Variants in PLVAP observed in about 807,000 individuals in gnomAD.
PLVAP encodes the protein plasmalemma vesicle associated protein.
A neutral mutation model predicts 43.1 loss-of-function variants in PLVAP; 34 were observed. That is an observed-to-expected ratio of 0.79 (90% confidence interval 0.60 to 1.05). The LOEUF is 1.05. Among genes scored for constraint, PLVAP ranks in the 50% least tolerant of loss-of-function variants. The pLI is 0.00. For missense variants in PLVAP, 574 were observed against 593.4 expected (o/e 0.97, Z 0.34); for synonymous variants, 241 against 237.3 (o/e 1.02, Z -0.14).
At chr19:17,354,897 C>A (rs1599570616) in intron 5 of PLVAP, among the ~76,000 whole-genome samples, 1 of 134,102 alleles carries the variant, frequency 7.5e-6, no homozygotes, top group East Asian at 2.1e-4. Context: ...GACTCCGTCT[C>A]AAAAAAAAAA....
Position 17,365,977 on chromosome 19 carries a change from T to G in PLVAP, c.488A>C (p.Gln163Pro). 1 of 1,613,524 alleles carries G rather than the reference T, an allele frequency of 6.2e-7. No homozygotes were observed. Among genetic ancestry groups the G allele is most frequent in the Non-Finnish European group, 8.5e-7 (1 of 1,179,550 alleles). ...CTCCACCTCCAGCGTCTTCACCTTCTGATTCAGCATGAAGAGCAAGGCTAA... is the reference window on the plus strand; with the variant it reads ...CTCCACCTCCAGCGTCTTCACCTTCGGATTCAGCATGAAGAGCAAGGCTAA... ...SCDALLFMLN[Q>P]KVKTLEVEIA... Residue 163 changes from glutamine (Q) to proline (P), a missense_variant, in exon 3 of 6, where the codon CAG becomes CCG. Transcript: ENST00000252590.
chr19:17,363,936 C>T (rs914526088), intron 3 of PLVAP, among the ~76,000 whole-genome samples: 4 of 151,642 alleles, frequency 2.6e-5, no homozygotes, highest in Non-Finnish European at 4.4e-5. Flanking sequence ...TTAGTAGAGA[C>T]GGGATTTCAC....
intron 1 of PLVAP, among the ~76,000 whole-genome samples, chr19:17,367,982 C>T (rs2074556824): frequency 6.6e-6 from 1 of 151,888 alleles, no homozygotes; most frequent in Non-Finnish European, 1.5e-5. Context: ...ACTGCAACCT[C>T]TGCCTCCCGG....
chr19:17,351,793 G>A lies in PLVAP; in HGVS notation c.*569C>T, dbSNP rs1298532035. On this transcript the variant is annotated 3_prime_UTR_variant, in exon 6 of 6. Coordinates refer to ENST00000252590, the MANE Select transcript of PLVAP (RefSeq NM_031310.3). ...CAGGGTCGGGGGAACGTGACACTAG[G>A]TGAGAATTGGGTAGAAAGTGTGTGT... is the stretch of plus-strand genomic sequence containing the variant. 1 of 153,444 alleles carries A rather than the reference G, an allele frequency of 6.5e-6. No individual in the cohort carries two copies. The highest frequency in any genetic ancestry group is 1.5e-5 in the Non-Finnish European group (1 of 68,756). The allele number at this position is 153,444 out of a possible 1,614,324, so 9.5% of individuals were successfully genotyped here.
chr19:17,354,195 C>T (rs1398197325), intron 5 of PLVAP, among the ~76,000 whole-genome samples: 2 of 151,846 alleles, frequency 1.3e-5, no homozygotes, highest in African/African-American at 4.8e-5. Context: ...GAGGCTGAGG[C>T]ATGAGAATTG....
At chr19:17,355,263 A>ATAATAAT (rs1457064966) in intron 5 of PLVAP, among the ~76,000 whole-genome samples, 3 of 142,320 alleles carry the variant, frequency 2.1e-5, no homozygotes, top group South Asian at 2.2e-4. Flanking sequence ...AATAATAATA[A>ATAATAAT]AATAAATAAT....
At chr19:17,352,458 G>A (rs1370917280) in intron 5 of PLVAP, 90 bp from the exon 6 acceptor site, 5 of 1,446,146 alleles carry the variant, frequency 3.5e-6, no homozygotes, top group South Asian at 1.2e-5. Flanking sequence ...TCCTCAGCGG[G>A]GACACAACAT....
At chr19:17,354,673 C>T (rs555452514) in intron 5 of PLVAP, among the ~76,000 whole-genome samples, 4 of 149,140 alleles carry the variant, frequency 2.7e-5, no homozygotes, top group East Asian at 4.0e-4. Context: ...CCGAGGCAGG[C>T]GGATCACGAG....
chr19:17,374,320 C>T (rs777880118), intron 1 of PLVAP, among the ~76,000 whole-genome samples: 21 of 151,970 alleles, frequency 1.4e-4, no homozygotes, highest in Non-Finnish European at 2.9e-4. Flanking sequence ...GAAAAATTAG[C>T]CAGGCATGAC....
chr19:17,353,052 C>G (rs1051131692), intron 5 of PLVAP, among the ~76,000 whole-genome samples: 2 of 152,244 alleles, frequency 1.3e-5, no homozygotes, highest in African/African-American at 4.8e-5. Flanking sequence ...CCCTCCTGGG[C>G]CTGGCAGAGG....
chr19:17,352,155 G>T lies in PLVAP; in HGVS notation c.*207C>A, dbSNP rs943014666. On this transcript the variant is annotated 3_prime_UTR_variant, in exon 6 of 6. Transcript: ENST00000252590. ...GTTGCTTGCGTGACGTCATCTCCGCGGCCGTGTGCTCTGGGTGAGGGATCG... is the reference window on the plus strand; with the variant it reads ...GTTGCTTGCGTGACGTCATCTCCGCTGCCGTGTGCTCTGGGTGAGGGATCG... 1.6e-6 allele frequency: 1 copy of T among 641,070 alleles called. No homozygotes were observed. The highest frequency in any genetic ancestry group is 2.7e-6 in the Non-Finnish European group (1 of 370,230). 39.7% of individuals were successfully genotyped at this position (641,070 alleles called of 1,614,324 possible).
At chr19:17,366,251 AC>A (rs1364396135) in intron 1 of PLVAP, 56 bp from the exon 2 acceptor site, 1 of 1,566,218 alleles carries the variant, frequency 6.4e-7, no homozygotes. Flanking sequence ...TGCCCCCAGG[AC>A]TGCCTGGACC....
intron 3 of PLVAP, 93 bp downstream of exon 3, chr19:17,365,193 C>T: frequency 8.2e-7 from 1 of 1,218,138 alleles, no homozygotes; most frequent in East Asian, 2.4e-5. Flanking sequence ...AGGAAGCCAT[C>T]CTCAAAGCCA....
chr19:17,362,297 C>G (rs1274013592), intron 3 of PLVAP: 1 of 152,006 alleles, frequency 6.6e-6, no homozygotes, highest in Non-Finnish European at 1.5e-5. Context: ...TGATGTTAAC[C>G]CGAAACAGTC....
chr19:17,373,271 T>C (rs1184458530), intron 1 of PLVAP, among the ~76,000 whole-genome samples: 1 of 151,618 alleles, frequency 6.6e-6, no homozygotes, highest in Non-Finnish European at 1.5e-5. Context: ...AGACCTACCA[T>C]ACTCTGGGCA....
intron 1 of PLVAP, among the ~76,000 whole-genome samples, chr19:17,375,437 T>C (rs865975349): frequency 2.0e-5 from 3 of 152,092 alleles, no homozygotes; most frequent in East Asian, 3.8e-4. Context: ...ATCTCAAATA[T>C]TGCATGGAAT....
Position 17,352,295 on chromosome 19 carries a change from C to G in PLVAP, c.*67G>C, listed in dbSNP as rs892575503. ...AGGGGGTTGTGTCGGGCGCTGTGAG[C>G]ATATCCCTGCATCCTCCGCAAACCG... On this transcript the variant is annotated 3_prime_UTR_variant, in exon 6 of 6. Transcript: ENST00000252590. 20 of 1,599,284 alleles carry G rather than the reference C, an allele frequency of 1.3e-5. No homozygotes were observed. The highest frequency in any genetic ancestry group is 4.5e-5 in the East Asian group (2 of 44,786).
intron 1 of PLVAP, among the ~76,000 whole-genome samples, chr19:17,372,418 A>G (rs1424565026): frequency 6.7e-6 from 1 of 149,536 alleles, no homozygotes; most frequent in Non-Finnish European, 1.5e-5. Flanking sequence ...CAAAAATAGT[A>G]ATAATAATAA....
rs367983996 is a variant in PLVAP at position 17,351,965 on chromosome 19, G to A, written c.*397C>T. 153 of 283,086 alleles carry A rather than the reference G, an allele frequency of 5.4e-4. No homozygotes were observed. Among genetic ancestry groups the A allele is most frequent in the African/African-American group, 2.3e-3 (109 of 46,472 alleles). 17.5% of individuals were successfully genotyped at this position (283,086 alleles called of 1,614,324 possible). The stretch of plus-strand genomic sequence containing the variant: ...GTGTGACATTAATATGTGTGACGTC[G>A]ACATGGCCCGTGACGTCGTTGCTGC... On this transcript the variant is annotated 3_prime_UTR_variant, in exon 6 of 6. Coordinates refer to ENST00000252590, the MANE Select transcript of PLVAP (RefSeq NM_031310.3).
Sources: gnomAD v4.1 joint callset for allele counts (sites outside exome capture counted in the v4.1 genomes callset) on GRCh38, gnomAD v4.1.1 for gene constraint, MANE v1.5 for transcripts, NCBI Gene and HGNC (gene_info 2026-07-23, HGNC 2026-07-21) for gene names.